Variants in GK5 observed in about 807,000 individuals in gnomAD.
GK5 encodes ATP:glycerol 3-phosphotransferase 5.
Under a neutral mutation model 77.3 loss-of-function variants are expected in GK5, and 39 were observed. That is an observed-to-expected ratio of 0.50 (90% CI 0.39 to 0.66). The LOEUF is 0.66. Among genes scored for constraint, GK5 ranks in the 30% least tolerant of loss-of-function variants. The pLI, the probability that GK5 is intolerant of heterozygous loss-of-function variation, is 0.00. For missense variants in GK5, 487 were observed against 633.8 expected, an observed-to-expected ratio of 0.77 and a Z score of 2.49; for synonymous variants, 211 against 208.0, an observed-to-expected ratio of 1.01 and a Z score of -0.13.
Position 142,165,720 on chromosome 3 carries a change from C to T in GK5, c.1492G>A (p.Val498Ile), listed in dbSNP as rs771177569. 1 of 1,612,930 alleles carries T rather than the reference C, an allele frequency of 6.2e-7. No homozygotes were observed. Among genetic ancestry groups the T allele is most frequent in the East Asian group, 2.2e-5 (1 of 44,818 alleles). ...ELKKLRQSEV[V>I]FKPQKKCQEY... Reference sequence around the variant, plus strand: ...TGACATTTCTTCTGTGGCTTGAAAACCACTTCACTTTGTCTCAGTTTCTTT... The same window carrying T: ...TGACATTTCTTCTGTGGCTTGAAAATCACTTCACTTTGTCTCAGTTTCTTT... The change falls in exon 16 of 16, where the codon GTT (valine) becomes ATT (isoleucine). Residue 498 changes from valine to isoleucine, a missense_variant. Transcript: ENST00000392993.
chr3:142,172,151 T>C (rs974866750), intron 13 of GK5, among the ~76,000 whole-genome samples: 2 of 152,126 alleles, frequency 1.3e-5, no homozygotes, highest in Non-Finnish European at 2.9e-5. Context: ...CTGAGTGGTG[T>C]TGGTACATTA....
Position 142,187,902 on chromosome 3 carries a change from T to C in GK5, c.544-123A>G. 11 of 662,524 alleles carry C rather than the reference T, an allele frequency of 1.7e-5. 1 individual carries two copies. In the South Asian group the frequency reaches 2.1e-4, roughly 13 times the overall value. The allele number at this position is 662,524 out of a possible 1,614,324, so 41.0% of individuals were successfully genotyped here. On this transcript the variant is annotated intron_variant, in intron 5 of 15. Coordinates refer to ENST00000392993, the MANE Select transcript of GK5 (RefSeq NM_001039547.3). ...AAAAATTAATATGTACACAAAAACA[T>C]TTCTAGAATATATTCCAAATGGTTC...
At chr3:142,165,844 C>A in intron 15 of GK5, 74 bp from the exon 16 acceptor site, 3 of 955,384 alleles carry the variant, frequency 3.1e-6, no homozygotes, top group South Asian at 2.1e-5. Context: ...AAAACCTATA[C>A]GAGTTGCTGG....
intron 3 of GK5, among the ~76,000 whole-genome samples, chr3:142,208,533 T>C (rs138977170): frequency 6.2e-4 from 95 of 152,362 alleles, no homozygotes; most frequent in African/African-American, 2.2e-3. Context: ...CCCAGCACCA[T>C]CTGTTGAAAA....
At chr3:142,213,237 A>AT (rs1254824651) in intron 3 of GK5, among the ~76,000 whole-genome samples, 1 of 152,146 alleles carries the variant, frequency 6.6e-6, no homozygotes, top group Non-Finnish European at 1.5e-5. Flanking sequence ...TTTAGGTATA[A>AT]TTTTTTAGAT....
intron 5 of GK5, among the ~76,000 whole-genome samples, chr3:142,195,346 T>A (rs2063918870): frequency 1.3e-5 from 2 of 152,076 alleles, no homozygotes; most frequent in African/African-American, 4.8e-5. Flanking sequence ...TGTGTGTGTG[T>A]GGTTTCTTTC....
At chr3:142,187,918 CA>C (rs2063795157) in intron 5 of GK5, 139 bp from the exon 6 acceptor site, 1 of 629,182 alleles carries the variant, frequency 1.6e-6, no homozygotes, top group South Asian at 2.0e-5. Flanking sequence ...GAATATATTC[CA>C]AATGGTTCTA....
chr3:142,196,848 A>T (rs951249649), intron 5 of GK5, among the ~76,000 whole-genome samples: 2 of 152,114 alleles, frequency 1.3e-5, no homozygotes, highest in African/African-American at 4.8e-5. Context: ...TGTTAATCAA[A>T]TTTTCTACTT....
intron 3 of GK5, among the ~76,000 whole-genome samples, chr3:142,210,044 T>C (rs1286064460): frequency 6.6e-6 from 1 of 152,030 alleles, no homozygotes. Context: ...AACACACCAC[T>C]TTTTGAATAT....
At chr3:142,212,750 G>A (rs2064205020) in intron 3 of GK5, among the ~76,000 whole-genome samples, 1 of 151,122 alleles carries the variant, frequency 6.6e-6, no homozygotes, top group Non-Finnish European at 1.5e-5. Flanking sequence ...TGTCACAGAT[G>A]TTTACTATAC....
Position 142,159,372 on chromosome 3 carries a change from T to A in GK5, c.*6250A>T, listed in dbSNP as rs1426120075. The stretch of plus-strand genomic sequence containing the variant: ...CTCTATATCATTTGTTTCCTAAACA[T>A]CACGGGTATCTATCTAAACACAGCC... On this transcript the variant is annotated 3_prime_UTR_variant, in exon 16 of 16. Coordinates refer to ENST00000392993, the MANE Select transcript of GK5 (RefSeq NM_001039547.3). 1 of 152,190 alleles carries A rather than the reference T, an allele frequency of 6.6e-6. No individual in the cohort carries two copies. The highest frequency in any genetic ancestry group is 1.5e-5 in the Non-Finnish European group (1 of 68,026). 9.4% of individuals were successfully genotyped at this position (152,190 alleles called of 1,614,324 possible). A position where few individuals can be genotyped will look rare whatever the true frequency, so the allele number is the denominator to read the frequency against.
At position 142,204,799 on chromosome 3, in the gene GK5, TA is replaced by T; in HGVS notation, c.318-12del. ...TGATTTCCTGTTTTCCTAGAAAGAA[TA>T]AAACAGTATTTTGAGACCCAGCATA... On this transcript the variant is annotated splice_polypyrimidine_tract_variant and intron_variant, in intron 3 of 15. Transcript: ENST00000392993. 3 of 1,434,052 alleles carry T rather than the reference TA, an allele frequency of 2.1e-6. No individual in the cohort carries two copies. The highest frequency in any genetic ancestry group is 2.9e-6 in the Non-Finnish European group (3 of 1,032,792). The allele number at this position is 1,434,052 out of a possible 1,614,324, so 88.8% of individuals were successfully genotyped here.
chr3:142,216,433 G>T (rs958247869), intron 1 of GK5, among the ~76,000 whole-genome samples: 1 of 152,108 alleles, frequency 6.6e-6, no homozygotes, highest in South Asian at 2.1e-4. Flanking sequence ...GTTAATAATG[G>T]TATCGGTGCG....
At chr3:142,169,903 C>T (rs868345457) in intron 15 of GK5, among the ~76,000 whole-genome samples, 9 of 152,194 alleles carry the variant, frequency 5.9e-5, no homozygotes, top group Non-Finnish European at 8.8e-5. Context: ...GAACTCTTGA[C>T]CTCAGGTGAT....
intron 11 of GK5, among the ~76,000 whole-genome samples, chr3:142,178,977 T>C (rs1244726311): frequency 6.6e-6 from 1 of 152,208 alleles, no homozygotes; most frequent in Non-Finnish European, 1.5e-5. Context: ...TAGTATTACA[T>C]GGTGGTTTGA....
At chr3:142,200,027 T>C (rs2107788478) in intron 4 of GK5, among the ~76,000 whole-genome samples, 1 of 152,160 alleles carries the variant, frequency 6.6e-6, no homozygotes, top group East Asian at 1.9e-4. Context: ...ACTCAGTTCT[T>C]TCAGTCTAGT....
intron 5 of GK5, among the ~76,000 whole-genome samples, chr3:142,196,828 T>C (rs1183247299): frequency 6.6e-6 from 1 of 152,216 alleles, no homozygotes; most frequent in Admixed American, 6.5e-5. Flanking sequence ...TAGGTCTAGT[T>C]AGTTGTTACT....
Position 142,160,202 on chromosome 3 carries a change from C to G in GK5, c.*5420G>C, listed in dbSNP as rs749056897. On this transcript the variant is annotated 3_prime_UTR_variant, in exon 16 of 16. Transcript: ENST00000392993. ...GTGGGGTCTCACTATGTTGCCTAGG[C>G]TGGTCTCGAACTCCTGAGCTCAAGC... 31 of 152,314 alleles carry G rather than the reference C, an allele frequency of 2.0e-4. No individual in the cohort carries two copies. Among genetic ancestry groups the G allele is most frequent in the Non-Finnish European group, 3.5e-4 (24 of 68,268 alleles). 9.4% of individuals were successfully genotyped at this position (152,314 alleles called of 1,614,324 possible). A position where few individuals can be genotyped will look rare whatever the true frequency, so the allele number is the denominator to read the frequency against.
At chr3:142,204,831 GAGACTATGTTAA>G (rs1560231042) in intron 3 of GK5, 43 bp from the exon 4 acceptor site, 1 of 1,093,304 alleles carries the variant, frequency 9.1e-7, no homozygotes, top group South Asian at 1.4e-5. Flanking sequence ...GCATAAATCA[GAGACTATGTTAA>G]AGATGTGCCA....
Sources: allele counts gnomAD v4.1 joint callset (sites outside exome capture counted in the v4.1 genomes callset), GRCh38; gene constraint gnomAD v4.1.1; transcripts MANE v1.5; gene names NCBI Gene and HGNC (gene_info 2026-07-23, HGNC 2026-07-21).